The following ANKRD62 variants were observed in gnomAD, a reference collection of about 807,000 sequenced individuals.
ANKRD62 encodes the protein ankyrin repeat domain-containing protein 62.
A neutral mutation model predicts 98.8 loss-of-function variants in ANKRD62; 61 were observed. The ratio of observed to expected loss-of-function variants is 0.62; its 90% CI spans 0.50 to 0.76. The LOEUF (loss-of-function observed/expected upper bound fraction) is 0.76, where lower values mean the gene tolerates loss of function less well. ANKRD62 is among the 30% of genes least tolerant of loss of function. The pLI is 0.00. For synonymous variants in ANKRD62, 341 were observed against 367.9 expected, an observed-to-expected ratio of 0.93 and a Z score of 0.84; for missense variants, 933 against 1,082.9, an observed-to-expected ratio of 0.86 and a Z score of 1.94.
Position 12,125,995 on chromosome 18 carries a change from A to G in ANKRD62, c.2174A>G (p.Glu725Gly). Reference sequence around the variant, plus strand: ...GAAACTGAGCTCCATTATGAAAGAGAGGCTCTCAAAGAAAAGACGTTGCAT... The same window carrying G: ...GAAACTGAGCTCCATTATGAAAGAGGGGCTCTCAAAGAAAAGACGTTGCAT... ...GLETELHYER[E>G]ALKEKTLHIE... Residue 725 changes from glutamate to glycine, a missense_variant, in exon 13 of 14, where the codon GAG becomes GGG. Physicochemically the swap from Glu to Gly is moderately conservative, Grantham distance 98 (BLOSUM62 -2). Coordinates refer to ENST00000587848, the MANE Select transcript of ANKRD62 (RefSeq NM_001277333.2). The G allele has an allele frequency of 6.5e-7, 1 of 1,536,780 alleles. No homozygotes were observed. Among genetic ancestry groups the G allele is most frequent in the Non-Finnish European group, 8.7e-7 (1 of 1,146,894 alleles).
the ANKRD62 span, among the ~76,000 whole-genome samples, chr18:12,175,310 GGTGGGA>G: frequency 6.6e-6 from 1 of 152,024 alleles, no homozygotes; most frequent in East Asian, 1.9e-4. Context: ...GGGCACTGGT[GGTGGGA>G]GTGGAGCTCG....
At chr18:12,127,270 A>C (rs1276917631) in intron 13 of ANKRD62, among the ~76,000 whole-genome samples, 2 of 152,080 alleles carry the variant, frequency 1.3e-5, no homozygotes, top group Admixed American at 1.3e-4. Flanking sequence ...TCAGGGAGAG[A>C]AGTGGAAGCC....
At chr18:12,127,679 TA>T (rs1396036202) in intron 13 of ANKRD62, 68 bp from the exon 14 acceptor site, 2 of 1,211,506 alleles carry the variant, frequency 1.7e-6, no homozygotes, top group Non-Finnish European at 2.1e-6. Flanking sequence ...ATATTAGAGT[TA>T]AATATTATTA....
At chr18:12,123,071 CAG>C (rs574717120) in intron 11 of ANKRD62, among the ~76,000 whole-genome samples, 1,742 of 152,128 alleles carry the variant, frequency 0.011, 27 homozygotes, top group South Asian at 0.04. Flanking sequence ...CCTTTTGAGA[CAG>C]AGTCTTGCGC....
chr18:12,177,718 C>T, the ANKRD62 span, among the ~76,000 whole-genome samples: 1 of 151,464 alleles, frequency 6.6e-6, no homozygotes, highest in African/African-American at 2.4e-5. Flanking sequence ...ATCCTGGGAG[C>T]CAGACACTGG....
chr18:12,149,852 GA>G, the ANKRD62 span, among the ~76,000 whole-genome samples: 1 of 147,284 alleles, frequency 6.8e-6, no homozygotes, highest in Non-Finnish European at 1.5e-5. Context: ...GAACCAACGC[GA>G]GAACTCTGGT....
intron 6 of ANKRD62, among the ~76,000 whole-genome samples, 183 bp from the exon 7 acceptor site, chr18:12,102,975 T>A (rs1259865335): frequency 1.3e-5 from 2 of 152,192 alleles, no homozygotes; most frequent in African/African-American, 4.8e-5. Flanking sequence ...AAGTAGTTTG[T>A]TGAAGTTTTG....
At chr18:12,112,793 A>G (rs1568062234) in intron 8 of ANKRD62, among the ~76,000 whole-genome samples, 1 of 152,260 alleles carries the variant, frequency 6.6e-6, no homozygotes, top group Non-Finnish European at 1.5e-5. Context: ...ACAAGGGAAG[A>G]CGTTTTGCAA....
At chr18:12,162,384 A>G in the ANKRD62 span, among the ~76,000 whole-genome samples, 6 of 151,804 alleles carry the variant, frequency 4.0e-5, no homozygotes, top group African/African-American at 9.7e-5. Flanking sequence ...TTTTTTTCCT[A>G]TAGTGTTTTT....
chr18:12,165,127 AT>A, the ANKRD62 span, among the ~76,000 whole-genome samples: 1 of 151,852 alleles, frequency 6.6e-6, no homozygotes, highest in Non-Finnish European at 1.5e-5. Flanking sequence ...GCCATGGAAT[AT>A]TTTTTTCCAT....
At chr18:12,151,050 A>G in the ANKRD62 span, among the ~76,000 whole-genome samples, 1 of 152,228 alleles carries the variant, frequency 6.6e-6, no homozygotes, top group Non-Finnish European at 1.5e-5. Context: ...CGTGTCTAAC[A>G]CATAATGACA....
At chr18:12,112,999 A>AT (rs532518613) in intron 8 of ANKRD62, among the ~76,000 whole-genome samples, 11 of 152,052 alleles carry the variant, frequency 7.2e-5, no homozygotes, top group Non-Finnish European at 1.3e-4. Context: ...GGGTTAAGTG[A>AT]TTCTCATGCC....
In ANKRD62 at chr18:12,095,580, A is replaced by G. The variant is rs767915200; in HGVS notation, c.477A>G (p.Ala159=). ...ENISMARKLL[A]YGADIEARSQ... is the part of the protein sequence containing the mutation. ...TATCAATGGCAAGAAAACTGCTTGC[A>G]TATGGTGCAGATATTGAAGCAAGAA... The change falls in exon 3 of 14, where the codon GCA becomes GCG. Residue 159 remains alanine (A), a synonymous_variant. Coordinates refer to ENST00000587848, the MANE Select transcript of ANKRD62 (RefSeq NM_001277333.2). The G allele has an allele frequency of 6.5e-7, 1 of 1,534,936 alleles. No homozygotes were observed. Among genetic ancestry groups the G allele is most frequent in the Non-Finnish European group, 8.7e-7 (1 of 1,146,034 alleles).
chr18:12,124,478 C>T (rs1909847763), intron 12 of ANKRD62, among the ~76,000 whole-genome samples, 158 bp downstream of exon 12: 1 of 151,776 alleles, frequency 6.6e-6, no homozygotes, highest in African/African-American at 2.4e-5. Context: ...TAAATCTTGG[C>T]TTCAAAGTTA....
chr18:12,096,166 G>T, intron 3 of ANKRD62, 30 bp from the exon 4 acceptor site: 2 of 1,397,392 alleles, frequency 1.4e-6, no homozygotes, highest in South Asian at 2.6e-5. Flanking sequence ...GTAATTTTGT[G>T]AATTATAAAT....
chr18:12,134,527 C>T (rs1910051721), downstream of ANKRD62, among the ~76,000 whole-genome samples: 1 of 152,142 alleles, frequency 6.6e-6, no homozygotes. Flanking sequence ...CTCCCACCTA[C>T]TCCCACCCCA....
Position 12,107,275 on chromosome 18 carries a change from G to A in ANKRD62, c.892-20G>A. 6.8e-7 allele frequency: 1 copy of A among 1,469,688 alleles called. No homozygotes were observed. The highest frequency in any genetic ancestry group is 1.4e-5 in the African/African-American group (1 of 70,446). The allele number at this position is 1,469,688 out of a possible 1,614,324, so 91.0% of individuals were successfully genotyped here. A position where few individuals can be genotyped will look rare whatever the true frequency, so the allele number is the denominator to read the frequency against. ...GATAAAATAATGACAATTATTCTCA[G>A]TATGAAACTTTCATTGAAGGTTGAA... On this transcript the variant is annotated intron_variant, in intron 7 of 13. Transcript: ENST00000587848.
chr18:12,122,286 T>G lies in ANKRD62; in HGVS notation c.1241-17T>G. The G allele has an allele frequency of 6.6e-7, 1 of 1,523,464 alleles. No individual in the cohort carries two copies. The highest frequency in any genetic ancestry group is 8.8e-7 in the Non-Finnish European group (1 of 1,140,796). The allele number at this position is 1,523,464 out of a possible 1,614,324, so 94.4% of individuals were successfully genotyped here. ...ACTCATGTATTTTATCTCTATTTTG[T>G]CTTCTCCTGGTAACAGATTTTGTTA... On this transcript the variant is annotated splice_polypyrimidine_tract_variant and intron_variant, in intron 10 of 13. Transcript: ENST00000587848.
At chr18:12,121,989 A>T (rs575763987) in intron 10 of ANKRD62, among the ~76,000 whole-genome samples, 5 of 152,242 alleles carry the variant, frequency 3.3e-5, no homozygotes, top group African/African-American at 1.2e-4. Flanking sequence ...TTCCTCAGGG[A>T]AATCTTCCCT....
Sources: allele counts gnomAD v4.1 joint callset (sites outside exome capture counted in the v4.1 genomes callset), GRCh38; gene constraint gnomAD v4.1.1; transcripts MANE v1.5; gene names NCBI Gene and HGNC (gene_info 2026-07-23, HGNC 2026-07-21).